TMEM72: variants seen among roughly 807,000 people sequenced by gnomAD.
TMEM72 encodes the protein kidney-specific secretory protein of 37 kDa.
A neutral mutation model predicts 16.3 loss-of-function variants in TMEM72; 9 were observed. That is an observed-to-expected ratio of 0.55 (90% CI 0.33 to 0.96). The LOEUF is 0.96. TMEM72 is among the 40% of genes least tolerant of loss of function. The pLI, the probability that TMEM72 is intolerant of heterozygous loss-of-function variation, is 0.03. For synonymous variants in TMEM72, 160 were observed against 146.5 expected, an observed-to-expected ratio of 1.09 and a Z score of -0.66; for missense variants, 324 against 337.8, an observed-to-expected ratio of 0.96 and a Z score of 0.32.
In TMEM72 at chr10:44,927,929, G is replaced by A. The variant is rs192164342; in HGVS notation, c.79G>A (p.Gly27Ser). Residue 27 changes from glycine to serine, a missense_variant, in exon 2 of 5, where the codon GGC becomes AGC. Physicochemically the swap from Gly to Ser is moderately conservative, Grantham distance 56 (BLOSUM62 0). Coordinates refer to ENST00000389583, the MANE Select transcript of TMEM72 (RefSeq NM_001123376.3). ...CTTCTCTTGCCCCTTAGTGTTGATC[G>A]GCGTGGGCACTGAGACCTTCCTCCA... is the stretch of plus-strand genomic sequence containing the variant. ...LGITTAAVLI[G>S]VGTETFLQGQ... 6.5e-5 allele frequency: 104 copies of A among 1,610,942 alleles called. No homozygotes were observed. The African/African-American group carries it at 1.0e-3, about 16-fold the overall frequency.
chr10:44,935,183 A>C lies in TMEM72; in HGVS notation c.*49A>C. On this transcript the variant is annotated 3_prime_UTR_variant, in exon 5 of 5. Coordinates refer to ENST00000389583, the MANE Select transcript of TMEM72 (RefSeq NM_001123376.3). Reference sequence around the variant, plus strand: ...GCTCAGTGAGGGGTCTACCTAGCTCAATGGCCCTCCCTGGAGTTTCAGGGT... The same window carrying C: ...GCTCAGTGAGGGGTCTACCTAGCTCCATGGCCCTCCCTGGAGTTTCAGGGT... The C allele has an allele frequency of 5.5e-5, 82 of 1,494,266 alleles. No homozygotes were observed. The highest frequency in any genetic ancestry group is 6.9e-5 in the Non-Finnish European group (77 of 1,114,784). The allele number at this position is 1,494,266 out of a possible 1,614,324, so 92.6% of individuals were successfully genotyped here.
chr10:44,927,372 G>A (rs1391562262), intron 1 of TMEM72, among the ~76,000 whole-genome samples: 1 of 152,174 alleles, frequency 6.6e-6, no homozygotes, highest in African/African-American at 2.4e-5. Context: ...GAGGAGAGCT[G>A]AGGTTGAGCA....
Position 44,934,729 on chromosome 10 carries a change from G to A in TMEM72, c.423G>A (p.Glu141=). The change falls in exon 5 of 5, where the codon GAG becomes GAA. Residue 141 remains glutamate, a synonymous_variant. Transcript: ENST00000389583. ...SKRKKRKAAP[E]VLASPEQYTD... ...GGAAGAAGAGGAAAGCTGCCCCCGA[G>A]GTGCTGGCCTCCCCAGAGCAGTACA... 6.2e-7 allele frequency: 1 copy of A among 1,611,914 alleles called. No homozygotes were observed. Among genetic ancestry groups the A allele is most frequent in the Non-Finnish European group, 8.5e-7 (1 of 1,179,422 alleles).
Position 44,933,766 on chromosome 10 carries a change from G to A in TMEM72, c.339G>A (p.Val113=). The A allele has an allele frequency of 1.9e-6, 3 of 1,613,812 alleles. No homozygotes were observed. Among genetic ancestry groups the A allele is most frequent in the Non-Finnish European group, 2.5e-6 (3 of 1,179,840 alleles). Residue 113 remains valine, a synonymous_variant, in exon 4 of 5, where the codon GTG becomes GTA. Transcript: ENST00000389583. ...TCCACCCGGTCCTGGTCTGGCACGT[G>A]ACCATCCCAGGTAAGAGCACAGGGG... ...CFLHPVLVWH[V]TIPGSMLIIT...
chr10:44,931,943 A>G, intron 2 of TMEM72, 55 bp from the exon 3 acceptor site: 1 of 1,559,034 alleles, frequency 6.4e-7, no homozygotes, highest in Non-Finnish European at 8.7e-7. Context: ...GACAGCCCTC[A>G]GGAAAGCAAA....
At chr10:44,912,790 T>C (rs1564431431) in intron 1 of TMEM72, among the ~76,000 whole-genome samples, 2 of 152,110 alleles carry the variant, frequency 1.3e-5, no homozygotes, top group Non-Finnish European at 2.9e-5. Flanking sequence ...CTGGGCTGGG[T>C]TCAGCCGTGA....
chr10:44,921,385 G>A (rs1013148370), intron 1 of TMEM72, among the ~76,000 whole-genome samples: 8 of 148,112 alleles, frequency 5.4e-5, no homozygotes, highest in Admixed American at 2.7e-4. Context: ...GTCAAGCAGT[G>A]CTGTTCAGTG....
At chr10:44,924,592 A>G (rs1310270224) in intron 1 of TMEM72, among the ~76,000 whole-genome samples, 1 of 152,234 alleles carries the variant, frequency 6.6e-6, no homozygotes, top group African/African-American at 2.4e-5. Flanking sequence ...AGAGGCAAAC[A>G]GAGCAGGGGA....
At chr10:44,926,053 A>G (rs893591769) in intron 1 of TMEM72, among the ~76,000 whole-genome samples, 2 of 152,052 alleles carry the variant, frequency 1.3e-5, no homozygotes, top group African/African-American at 4.8e-5. Context: ...ACACATCCAC[A>G]TATATAATCA....
chr10:44,913,471 C>A (rs1056294894), intron 1 of TMEM72, among the ~76,000 whole-genome samples: 1 of 152,174 alleles, frequency 6.6e-6, no homozygotes, highest in Non-Finnish European at 1.5e-5. Context: ...CACACACACA[C>A]ACACACAAAC....
intron 1 of TMEM72, among the ~76,000 whole-genome samples, chr10:44,927,026 AC>A (rs1026606089): frequency 1.3e-5 from 2 of 152,150 alleles, no homozygotes; most frequent in African/African-American, 4.8e-5. Context: ...GCCAGGGATG[AC>A]AGCCCAGCCC....
chr10:44,926,455 G>A (rs72780637), intron 1 of TMEM72, among the ~76,000 whole-genome samples: 9,918 of 152,288 alleles, frequency 0.065, 427 homozygotes, highest in Middle Eastern at 0.12. Flanking sequence ...GGGCCGGGAC[G>A]TGTGCAACAT....
intron 1 of TMEM72, among the ~76,000 whole-genome samples, chr10:44,920,781 T>C (rs758654091): frequency 5.9e-5 from 9 of 152,226 alleles, no homozygotes; most frequent in Non-Finnish European, 1.2e-4. Flanking sequence ...CCATTTTGCA[T>C]GTTTTTATTT....
At position 44,926,436 on chromosome 10, in the gene TMEM72, C is replaced by T. The variant is rs150790808; in HGVS notation, c.71-1485C>T. Among the ~76,000 whole-genome samples, 567 of 152,346 alleles carry T rather than the reference C, an allele frequency of 3.7e-3. 3 individuals carry two copies. Among genetic ancestry groups the T allele is most frequent in the African/African-American group, 0.013 (542 of 41,576 alleles). On this transcript the variant is annotated intron_variant, in intron 1 of 4. Coordinates refer to ENST00000389583, the MANE Select transcript of TMEM72 (RefSeq NM_001123376.3). Reference sequence around the variant, plus strand: ...AGAGTGGGACTCCTGTGCCACAGGCCTGCTGGAAGGGCCGGGACGTGTGCA... The same window carrying T: ...AGAGTGGGACTCCTGTGCCACAGGCTTGCTGGAAGGGCCGGGACGTGTGCA...
chr10:44,933,576 A>T, intron 3 of TMEM72, 61 bp from the exon 4 acceptor site: 1 of 1,566,874 alleles, frequency 6.4e-7, no homozygotes, highest in South Asian at 1.2e-5. Context: ...ACTCCATGGC[A>T]TCCAGTCTTG....
At chr10:44,913,520 T>A (rs1220225749) in intron 1 of TMEM72, among the ~76,000 whole-genome samples, 1 of 152,072 alleles carries the variant, frequency 6.6e-6, no homozygotes, top group Admixed American at 6.5e-5. Context: ...AACCACAGCC[T>A]TTATCTCCGC....
intron 1 of TMEM72, among the ~76,000 whole-genome samples, chr10:44,915,926 C>T (rs1394335136): frequency 1.3e-5 from 2 of 152,104 alleles, no homozygotes; most frequent in East Asian, 1.9e-4. Flanking sequence ...GTAGGGCTTG[C>T]CTTGATGGGT....
chr10:44,932,161 C>A (rs1840309852), intron 3 of TMEM72, 92 bp downstream of exon 3: 9 of 1,440,702 alleles, frequency 6.2e-6, no homozygotes, highest in Non-Finnish European at 7.6e-6. Context: ...CAGGGGATGT[C>A]CTGCTCCTGA....
At chr10:44,916,859 A>T (rs184164804) in intron 1 of TMEM72, among the ~76,000 whole-genome samples, 2 of 152,266 alleles carry the variant, frequency 1.3e-5, no homozygotes, top group Admixed American at 6.5e-5. Context: ...AGAAATCTGA[A>T]ACTTCAATTA....
Sources: allele counts gnomAD v4.1 joint callset (sites outside exome capture counted in the v4.1 genomes callset), GRCh38; gene constraint gnomAD v4.1.1; transcripts MANE v1.5; gene names NCBI Gene and HGNC (gene_info 2026-07-23, HGNC 2026-07-21).